SSBP2: variants seen among roughly 807,000 people sequenced by gnomAD.
The protein encoded by SSBP2 is single stranded DNA binding protein 2, also known as single-stranded DNA-binding protein 2.
In SSBP2, 17 loss-of-function variants were observed where a neutral mutation model predicts 61.8. That is an observed-to-expected ratio of 0.28 (90% CI 0.19 to 0.41). The LOEUF (loss-of-function observed/expected upper bound fraction) is 0.41, where lower values mean the gene tolerates loss of function less well. Ranked by LOEUF, SSBP2 falls within the 10% of genes least tolerant of loss-of-function variation. The pLI, the probability that SSBP2 is intolerant of heterozygous loss-of-function variation, is 1.00. For missense variants in SSBP2, 310 were observed against 458.7 expected, an observed-to-expected ratio of 0.68 and a Z score of 2.96; for synonymous variants, 139 against 141.3, an observed-to-expected ratio of 0.98 and a Z score of 0.12.
intron 1 of SSBP2, among the ~76,000 whole-genome samples, chr5:81,715,733 A>G (rs1366660898): frequency 1.3e-5 from 2 of 152,174 alleles, no homozygotes; most frequent in Admixed American, 6.5e-5. Flanking sequence ...GAGGATGGGA[A>G]GACAAGAAAT....
chr5:81,658,400 A>G (rs2099258077), intron 1 of SSBP2, among the ~76,000 whole-genome samples: 1 of 152,118 alleles, frequency 6.6e-6, no homozygotes, highest in African/African-American at 2.4e-5. Context: ...ACCCCCACAG[A>G]CACCAAAATC....
intron 3 of SSBP2, 145 bp from the exon 4 acceptor site, chr5:81,615,702 G>C (rs1191357957): frequency 7.0e-6 from 4 of 574,952 alleles, no homozygotes; most frequent in African/African-American, 1.9e-5. Context: ...TTAAACGCAA[G>C]CAAGGCTCTT....
At chr5:81,438,268 T>C (rs1580683087) in intron 14 of SSBP2, among the ~76,000 whole-genome samples, 2 of 151,680 alleles carry the variant, frequency 1.3e-5, no homozygotes, top group East Asian at 3.9e-4. Context: ...GGAAATTCAC[T>C]TGAACCTGGG....
chr5:81,620,344 C>T lies in SSBP2; in HGVS notation c.198-4787G>A, dbSNP rs1452901144. On this transcript the variant is annotated intron_variant, in intron 3 of 16. Transcript: ENST00000320672. The stretch of plus-strand genomic sequence containing the variant: ...CAGAGAGCCAAATCATGAGTGAACT[C>T]CCATTCACAATTGCTTCAAAGAGAA... Among the ~76,000 whole-genome samples, 4 of 132,932 alleles carry T rather than the reference C, an allele frequency of 3.0e-5. No homozygotes were observed. In the East Asian group the frequency reaches 9.0e-4, roughly 30 times the overall value. The allele number at this position is 132,932 out of a possible 152,430, so 87.2% of individuals were successfully genotyped here.
At chr5:81,559,073 G>A (rs953869201) in intron 4 of SSBP2, among the ~76,000 whole-genome samples, 4 of 152,144 alleles carry the variant, frequency 2.6e-5, no homozygotes, top group African/African-American at 9.7e-5. Context: ...GGCCAACATG[G>A]CGAAATCCCA....
intron 1 of SSBP2, among the ~76,000 whole-genome samples, chr5:81,662,310 AC>A (rs1750758539): frequency 6.6e-6 from 1 of 152,022 alleles, no homozygotes; most frequent in Non-Finnish European, 1.5e-5. Context: ...TACTAAAAAG[AC>A]AAAAAATTAG....
At chr5:81,552,573 G>A (rs1222637070) in intron 4 of SSBP2, among the ~76,000 whole-genome samples, 1 of 151,236 alleles carries the variant, frequency 6.6e-6, no homozygotes, top group African/African-American at 2.4e-5. Context: ...AGGAGGCAGA[G>A]GATGCAGTGA....
chr5:81,686,868 A>AAAG (rs1561692063), intron 1 of SSBP2, among the ~76,000 whole-genome samples: 1 of 59,468 alleles, frequency 1.7e-5, no homozygotes, highest in African/African-American at 7.8e-5. Flanking sequence ...AAAAAAAAAA[A>AAAG]AAAAGAAAAG....
At chr5:81,580,663 T>C (rs1452596819) in intron 4 of SSBP2, among the ~76,000 whole-genome samples, 4 of 151,732 alleles carry the variant, frequency 2.6e-5, no homozygotes, top group African/African-American at 7.3e-5. Context: ...CCTAGTACAT[T>C]ACATTAAGTA....
intron 1 of SSBP2, among the ~76,000 whole-genome samples, chr5:81,681,040 A>G (rs1472395461): frequency 6.6e-6 from 1 of 152,172 alleles, no homozygotes; most frequent in Admixed American, 6.6e-5. Flanking sequence ...ACACCTTAGC[A>G]AATTTAAAAG....
intron 10 of SSBP2, 44 bp downstream of exon 10, chr5:81,461,011 T>G (rs1168101671): frequency 8.3e-7 from 1 of 1,205,900 alleles, no homozygotes; most frequent in East Asian, 3.1e-5. Flanking sequence ...TTGTTAAATG[T>G]TACAAAATGC....
intron 4 of SSBP2, among the ~76,000 whole-genome samples, chr5:81,536,600 G>A (rs1228046982): frequency 6.6e-6 from 1 of 152,106 alleles, no homozygotes; most frequent in Non-Finnish European, 1.5e-5. Context: ...ACAAAAGCTT[G>A]CACATAGATG....
intron 14 of SSBP2, among the ~76,000 whole-genome samples, chr5:81,438,537 A>G (rs948373720): frequency 9.9e-5 from 15 of 152,168 alleles, no homozygotes; most frequent in African/African-American, 3.4e-4. Flanking sequence ...GGGCTTATTA[A>G]TATAAGTTGT....
intron 5 of SSBP2, among the ~76,000 whole-genome samples, chr5:81,492,155 T>G (rs1461040691): frequency 6.6e-6 from 1 of 152,232 alleles, no homozygotes; most frequent in Non-Finnish European, 1.5e-5. Context: ...ATTATATCTA[T>G]TGACAGACAT....
intron 5 of SSBP2, among the ~76,000 whole-genome samples, chr5:81,508,897 T>TTA (rs1347066499): frequency 6.6e-6 from 1 of 152,224 alleles, no homozygotes; most frequent in African/African-American, 2.4e-5. Context: ...TTCTTTACTT[T>TTA]TACTTATTCA....
rs1761269868 is a variant in SSBP2 at position 81,415,492 on chromosome 5, T to C, written c.*5012A>G. ...TACAATGTATTATTTGTAATTATTG[T>C]TGTATTATTGGTTTTTATTGTTATA... On this transcript the variant is annotated 3_prime_UTR_variant, in exon 17 of 17. Transcript: ENST00000320672. The C allele has an allele frequency of 6.6e-6, 1 of 152,234 alleles. No individual in the cohort carries two copies. Among genetic ancestry groups the C allele is most frequent in the Non-Finnish European group, 1.5e-5 (1 of 68,042 alleles). The allele number at this position is 152,234 out of a possible 1,614,324, so 9.4% of individuals were successfully genotyped here.
chr5:81,741,247 A>G (rs766183634), intron 1 of SSBP2, among the ~76,000 whole-genome samples: 17 of 152,228 alleles, frequency 1.1e-4, no homozygotes, highest in Non-Finnish European at 2.4e-4. Flanking sequence ...CAAATACTAT[A>G]TGATCCCACT....
intron 6 of SSBP2, among the ~76,000 whole-genome samples, chr5:81,475,451 G>C (rs1344513991): frequency 6.6e-6 from 1 of 152,014 alleles, no homozygotes; most frequent in Non-Finnish European, 1.5e-5. Context: ...CATTTCCCAA[G>C]TCATTTTTGT....
intron 5 of SSBP2, among the ~76,000 whole-genome samples, chr5:81,511,683 C>T (rs2154081694): frequency 6.6e-6 from 1 of 152,334 alleles, no homozygotes; most frequent in East Asian, 1.9e-4. Context: ...ATGGCTCTCT[C>T]ATCCAGGTCA....
Sources: gnomAD v4.1 joint callset for allele counts (sites outside exome capture counted in the v4.1 genomes callset) on GRCh38, gnomAD v4.1.1 for gene constraint, MANE v1.5 for transcripts, NCBI Gene and HGNC (gene_info 2026-07-23, HGNC 2026-07-21) for gene names.